Variants in RAVER2 observed in about 807,000 individuals in gnomAD.
RAVER2 encodes the protein ribonucleoprotein, PTB binding 2.
Under a neutral mutation model 78.1 loss-of-function variants are expected in RAVER2, and 46 were observed. That is an observed-to-expected ratio of 0.59 (90% CI 0.46 to 0.75). The LOEUF is 0.75. Ranked by LOEUF, RAVER2 falls within the 30% of genes least tolerant of loss-of-function variation. RAVER2 has a pLI of 0.00. For synonymous variants in RAVER2, 311 were observed against 313.3 expected (o/e 0.99, Z 0.08); for missense variants, 793 against 837.5 (o/e 0.95, Z 0.66).
chr1:64,793,712 T>C (rs1311151648), intron 5 of RAVER2, among the ~76,000 whole-genome samples: 1 of 152,196 alleles, frequency 6.6e-6, no homozygotes, highest in African/African-American at 2.4e-5. Flanking sequence ...TTTTGTCCAT[T>C]TGTAATCCAT....
intron 2 of RAVER2, among the ~76,000 whole-genome samples, chr1:64,771,956 G>A (rs1652331490): frequency 6.6e-6 from 1 of 152,018 alleles, no homozygotes; most frequent in Non-Finnish European, 1.5e-5. Flanking sequence ...TAGTAAAATA[G>A]GATACATTAG....
intron 11 of RAVER2, among the ~76,000 whole-genome samples, chr1:64,822,750 C>T (rs1653918008): frequency 1.3e-5 from 2 of 152,128 alleles, no homozygotes; most frequent in African/African-American, 4.8e-5. Flanking sequence ...GGCACAGCAG[C>T]ATTATTCATA....
chr1:64,761,843 T>C (rs1652031108), intron 1 of RAVER2, among the ~76,000 whole-genome samples: 1 of 152,054 alleles, frequency 6.6e-6, no homozygotes, highest in Non-Finnish European at 1.5e-5. Flanking sequence ...GGCACGGTGG[T>C]TTACGCCTGT....
At chr1:64,750,608 T>TA (rs1226005503) in intron 1 of RAVER2, among the ~76,000 whole-genome samples, 1 of 152,232 alleles carries the variant, frequency 6.6e-6, no homozygotes, top group Non-Finnish European at 1.5e-5. Flanking sequence ...TTTATGTCCT[T>TA]TAACTGTGGG....
At chr1:64,754,904 T>C (rs1036538794) in intron 1 of RAVER2, among the ~76,000 whole-genome samples, 1 of 152,220 alleles carries the variant, frequency 6.6e-6, no homozygotes, top group Non-Finnish European at 1.5e-5. Context: ...TGATCCTTTA[T>C]CTGGGCAAGA....
At position 64,830,874 on chromosome 1, in the gene RAVER2, A is replaced by ATATC; in HGVS notation, c.1967_1970dup (p.Ile658SerfsTer14). 1 of 1,612,400 alleles carries ATATC rather than the reference A, an allele frequency of 6.2e-7. No individual in the cohort carries two copies. Among genetic ancestry groups the ATATC allele is most frequent in the African/African-American group, 1.3e-5 (1 of 74,988 alleles). On this transcript the variant is annotated frameshift_variant, in exon 12 of 12. Coordinates refer to ENST00000294428, the Ensembl canonical transcript of RAVER2. LOFTEE classifies it high-confidence loss of function. ...TAAGAAATGAAAAGCGAGGCTCATC[A>ATATC]TATCTCATCTCTGCCCCAGAAGGTG...
exon 3 of RAVER2, chr1:64,777,863 G>T (rs377369065): frequency 1.2e-6 from 2 of 1,613,960 alleles, no homozygotes; most frequent in Non-Finnish European, 1.7e-6. Flanking sequence ...AAAGGCTATG[G>T]ATTTGTGGAA....
chr1:64,819,872 T>C (rs533673850), intron 11 of RAVER2, among the ~76,000 whole-genome samples: 2 of 152,266 alleles, frequency 1.3e-5, no homozygotes, highest in South Asian at 4.2e-4. Flanking sequence ...AACATCCTTG[T>C]CCTCTAACCC....
intron 5 of RAVER2, among the ~76,000 whole-genome samples, chr1:64,792,316 G>A (rs1652967192): frequency 6.6e-6 from 1 of 152,134 alleles, no homozygotes; most frequent in African/African-American, 2.4e-5. Flanking sequence ...AACATATTCT[G>A]TATATTGGTT....
chr1:64,793,598 G>A (rs1259033803), intron 5 of RAVER2, among the ~76,000 whole-genome samples: 1 of 152,072 alleles, frequency 6.6e-6, no homozygotes, highest in Non-Finnish European at 1.5e-5. Flanking sequence ...TAAACTGTAG[G>A]TATTTGAAGT....
intron 11 of RAVER2, among the ~76,000 whole-genome samples, chr1:64,822,786 A>G (rs1156943629): frequency 6.6e-6 from 1 of 152,234 alleles, no homozygotes; most frequent in Non-Finnish European, 1.5e-5. Context: ...AACAACCCAA[A>G]TGTCCATCTA....
intron 2 of RAVER2, among the ~76,000 whole-genome samples, chr1:64,775,446 C>T (rs1652433960): frequency 1.3e-5 from 2 of 152,192 alleles, no homozygotes; most frequent in African/African-American, 4.8e-5. Context: ...CAAAACATTT[C>T]CAGTGCCAAA....
chr1:64,830,554 G>T (rs1205587383), intron 11 of RAVER2, among the ~76,000 whole-genome samples: 1 of 152,186 alleles, frequency 6.6e-6, no homozygotes, highest in African/African-American at 2.4e-5. Flanking sequence ...ATCAGCAGAA[G>T]CAGCTGCATG....
At chr1:64,788,223 A>G (rs972907464) in intron 4 of RAVER2, among the ~76,000 whole-genome samples, 1 of 152,192 alleles carries the variant, frequency 6.6e-6, no homozygotes, top group African/African-American at 2.4e-5. Flanking sequence ...CTGTAATCCC[A>G]GTACTTTGGG....
intron 1 of RAVER2, among the ~76,000 whole-genome samples, chr1:64,749,935 T>C (rs546444546): frequency 3.9e-5 from 6 of 152,334 alleles, no homozygotes; most frequent in Admixed American, 3.3e-4. Context: ...CACTTAGGTT[T>C]TTTTTCTTAC....
chr1:64,769,980 A>C (rs1235874012), intron 2 of RAVER2, among the ~76,000 whole-genome samples: 1 of 152,008 alleles, frequency 6.6e-6, no homozygotes, highest in African/African-American at 2.4e-5. Context: ...ATTGTTTTTC[A>C]GATCTTTCCA....
intron 2 of RAVER2, among the ~76,000 whole-genome samples, chr1:64,775,452 C>T (rs1652434043): frequency 6.6e-6 from 1 of 152,152 alleles, no homozygotes; most frequent in Non-Finnish European, 1.5e-5. Context: ...ATTTCCAGTG[C>T]CAAACTTGGA....
At chr1:64,812,709 G>C (rs1353449427) in intron 9 of RAVER2, 29 bp from the exon 10 acceptor site, 12 of 1,461,756 alleles carry the variant, frequency 8.2e-6, no homozygotes, top group Non-Finnish European at 1.1e-5. Flanking sequence ...CTCTCATTAA[G>C]TACTCCCTCC....
intron 1 of RAVER2, among the ~76,000 whole-genome samples, chr1:64,759,018 C>T (rs1164912309): frequency 6.6e-6 from 1 of 151,648 alleles, no homozygotes; most frequent in Non-Finnish European, 1.5e-5. Flanking sequence ...TTAAAGCCCT[C>T]TTTCTTGGGA....
Sources: allele counts gnomAD v4.1 joint callset (sites outside exome capture counted in the v4.1 genomes callset), GRCh38; gene constraint gnomAD v4.1.1; transcripts MANE v1.5; gene names NCBI Gene and HGNC (gene_info 2026-07-23, HGNC 2026-07-21).